Variants in MARK3 observed in about 807,000 individuals in gnomAD.
MARK3 encodes the protein MAP/microtubule affinity-regulating kinase 3.
Under a neutral mutation model 90.1 loss-of-function variants are expected in MARK3, and 46 were observed. That is an observed-to-expected ratio of 0.51 (90% confidence interval 0.40 to 0.65). The LOEUF is 0.65. Among genes scored for constraint, MARK3 ranks in the 30% least tolerant of loss-of-function variants. The pLI is 0.00. For missense variants in MARK3, 818 were observed against 947.2 expected, an observed-to-expected ratio of 0.86 and a Z score of 1.79; for synonymous variants, 321 against 332.6, an observed-to-expected ratio of 0.97 and a Z score of 0.38.
Position 103,452,471 on chromosome 14 carries a change from CTT to C in MARK3, c.412+505_412+506del, listed in dbSNP as rs71126026. 3.6e-4 allele frequency among the ~76,000 whole-genome samples: 35 copies of C among 97,458 alleles called. 2 individuals carry two copies. Among genetic ancestry groups the C allele is most frequent in the Non-Finnish European group, 6.7e-4 (30 of 44,456 alleles). The allele number at this position is 97,458 out of a possible 152,430, so 63.9% of individuals were successfully genotyped here. On this transcript the variant is annotated intron_variant, in intron 5 of 17. Transcript: ENST00000429436. The stretch of plus-strand genomic sequence containing the variant: ...ACAAGTGGAATTTTACAGGATTTGT[CTT>C]TTTTTTTTTTTTTTTTGAGACGGAG...
intron 3 of MARK3, among the ~76,000 whole-genome samples, chr14:103,444,965 C>T (rs1022611875): frequency 6.6e-6 from 1 of 152,212 alleles, no homozygotes; most frequent in Non-Finnish European, 1.5e-5. Context: ...TATGAAGTCT[C>T]TGGCATTTTT....
rs549023251 is a variant in MARK3 at position 103,435,513 on chromosome 14, A to G, written c.297+7073A>G. 7.9e-5 allele frequency among the ~76,000 whole-genome samples: 12 copies of G among 152,176 alleles called. No homozygotes were observed. In the Middle Eastern group the frequency reaches 0.017, roughly 216 times the overall value. ...AAGCTCTGCCTCCTGGGTTCACGCCATTCTCCTGCCTCAGCCTCCCGAGTA... is the reference window on the plus strand; with the variant it reads ...AAGCTCTGCCTCCTGGGTTCACGCCGTTCTCCTGCCTCAGCCTCCCGAGTA... On this transcript the variant is annotated intron_variant, in intron 3 of 17. Coordinates refer to ENST00000429436, the MANE Select transcript of MARK3 (RefSeq NM_001128918.3).
At chr14:103,494,922 G>A (rs2075250084) in intron 15 of MARK3, among the ~76,000 whole-genome samples, 1 of 152,108 alleles carries the variant, frequency 6.6e-6, no homozygotes. Context: ...TGCTTATTAT[G>A]TGCTAAGGTA....
At chr14:103,451,082 C>T (rs957084486) in intron 4 of MARK3, among the ~76,000 whole-genome samples, 2 of 151,442 alleles carry the variant, frequency 1.3e-5, no homozygotes, top group African/African-American at 2.4e-5. Context: ...AGGTGCATGC[C>T]GCCATACCCA....
At chr14:103,475,936 CCTT>C (rs2093706786) in intron 13 of MARK3, among the ~76,000 whole-genome samples, 2 of 149,628 alleles carry the variant, frequency 1.3e-5, no homozygotes, top group South Asian at 2.1e-4. Flanking sequence ...GAGCGAGACT[CCTT>C]CTCAAAAAAA....
At chr14:103,452,062 G>A (rs2093160308) in intron 5 of MARK3, 79 bp downstream of exon 5, 1 of 927,976 alleles carries the variant, frequency 1.1e-6, no homozygotes, top group South Asian at 1.5e-5. Flanking sequence ...GCCCATATGG[G>A]TCATCATTAA....
chr14:103,420,975 C>G (rs750600181), intron 2 of MARK3, among the ~76,000 whole-genome samples: 4 of 152,126 alleles, frequency 2.6e-5, no homozygotes, highest in Admixed American at 6.5e-5. Context: ...TGCTGAAGTG[C>G]TGTCTAGTCT....
At chr14:103,416,642 T>C (rs2091955828) in intron 2 of MARK3, among the ~76,000 whole-genome samples, 1 of 152,080 alleles carries the variant, frequency 6.6e-6, no homozygotes. Flanking sequence ...CATGGTGGCG[T>C]GCCCCTGTAA....
intron 12 of MARK3, among the ~76,000 whole-genome samples, chr14:103,470,726 G>A (rs191458016): frequency 7.0e-4 from 107 of 151,958 alleles, no homozygotes; most frequent in African/African-American, 2.4e-3. Context: ...CAAAGTGCTC[G>A]GATTACAGGC....
intron 14 of MARK3, among the ~76,000 whole-genome samples, chr14:103,487,482 A>C (rs1051216863): frequency 6.6e-6 from 1 of 151,868 alleles, no homozygotes; most frequent in African/African-American, 2.4e-5. Context: ...AGTGTGCTTC[A>C]TTGGGAATCG....
chr14:103,391,088 A>G (rs2090207938), intron 1 of MARK3, among the ~76,000 whole-genome samples: 1 of 152,220 alleles, frequency 6.6e-6, no homozygotes, highest in Non-Finnish European at 1.5e-5. Flanking sequence ...TCTCAGCCAC[A>G]GGGTGATTTT....
At chr14:103,420,794 A>G (rs1404362201) in intron 2 of MARK3, among the ~76,000 whole-genome samples, 1 of 152,192 alleles carries the variant, frequency 6.6e-6, no homozygotes, top group Non-Finnish European at 1.5e-5. Context: ...CAGAACGGTG[A>G]AAAAATATGC....
At chr14:103,458,008 C>T (rs529292304) in intron 6 of MARK3, among the ~76,000 whole-genome samples, 8 of 152,342 alleles carry the variant, frequency 5.3e-5, no homozygotes, top group African/African-American at 1.9e-4. Context: ...GTCCCAAACC[C>T]TCTGACCCCA....
intron 15 of MARK3, among the ~76,000 whole-genome samples, chr14:103,494,413 T>C (rs1017196618): frequency 4.0e-5 from 6 of 150,116 alleles, no homozygotes; most frequent in Non-Finnish European, 8.9e-5. Context: ...TAGCCGGGCA[T>C]GGTGGCACAT....
chr14:103,452,502 C>T (rs957693294), intron 5 of MARK3, among the ~76,000 whole-genome samples: 115 of 73,504 alleles, frequency 1.6e-3, no homozygotes, highest in African/African-American at 3.7e-3. Context: ...GACGGAGTCT[C>T]GCTCTGTCGC....
chr14:103,397,225 A>G lies in MARK3; in HGVS notation c.52-7851A>G, dbSNP rs377117225. ...ATTCCCCCGTTAGCACCCCGTGTAT[A>G]TCATGAGTGCCTTGAAGGTTTGACA... On this transcript the variant is annotated intron_variant, in intron 1 of 17. Coordinates refer to ENST00000429436, the MANE Select transcript of MARK3 (RefSeq NM_001128918.3). Among the ~76,000 whole-genome samples the G allele has an allele frequency of 2.6e-5, 4 of 152,056 alleles. 1 individual carries two copies. In the South Asian group the frequency reaches 8.3e-4, roughly 32 times the overall value.
intron 2 of MARK3, among the ~76,000 whole-genome samples, chr14:103,411,835 A>G (rs1307211014): frequency 6.6e-6 from 1 of 151,688 alleles, no homozygotes; most frequent in Non-Finnish European, 1.5e-5. Flanking sequence ...GTTGGCCAGG[A>G]TGGTCTCGAT....
intron 14 of MARK3, chr14:103,491,056 C>T (rs749845419): frequency 6.3e-5 from 81 of 1,288,030 alleles, no homozygotes; most frequent in Non-Finnish European, 7.7e-5. Context: ...TCTGGGCACC[C>T]CAAGATGATG....
intron 1 of MARK3, among the ~76,000 whole-genome samples, chr14:103,396,459 A>G (rs1420995783): frequency 2.0e-5 from 3 of 151,134 alleles, no homozygotes; most frequent in African/African-American, 7.3e-5. Flanking sequence ...TTACTTTCAT[A>G]TTAATGGAGT....
Sources: gnomAD v4.1 joint callset for allele counts (sites outside exome capture counted in the v4.1 genomes callset) on GRCh38, gnomAD v4.1.1 for gene constraint, MANE v1.5 for transcripts, NCBI Gene and HGNC (gene_info 2026-07-23, HGNC 2026-07-21) for gene names.